The following NRXN1 variants were observed in gnomAD, a reference collection of about 807,000 sequenced individuals.
NRXN1 encodes the protein neurexin-1.
NRXN1 carries 39 observed loss-of-function variants against 150.9 expected under a neutral mutation model. The ratio of observed to expected loss-of-function variants is 0.26; its 90% CI spans 0.20 to 0.34. The LOEUF is 0.34. NRXN1 is among the 10% of genes least tolerant of loss of function. NRXN1 has a pLI of 1.00. For missense variants in NRXN1, 1,815 were observed against 1,949.9 expected (o/e 0.93, Z 1.30); for synonymous variants, 924 against 757.0 (o/e 1.22, Z -3.62).
At chr2:50,385,123 A>G (rs532607578) in intron 17 of NRXN1, among the ~76,000 whole-genome samples, 5 of 152,228 alleles carry the variant, frequency 3.3e-5, no homozygotes, top group African/African-American at 1.2e-4. Flanking sequence ...GTTTAATCCA[A>G]ACACCCCCAA....
At chr2:50,438,637 T>A (rs2085659196) in intron 17 of NRXN1, among the ~76,000 whole-genome samples, 1 of 152,236 alleles carries the variant, frequency 6.6e-6, no homozygotes, top group Admixed American at 6.5e-5. Context: ...TCCATGTTTT[T>A]TAATTTTTGA....
chr2:50,083,025 T>C (rs766119139), intron 19 of NRXN1, among the ~76,000 whole-genome samples: 7 of 152,200 alleles, frequency 4.6e-5, no homozygotes, highest in Non-Finnish European at 1.0e-4. Flanking sequence ...AAGGGCCTGT[T>C]TGGGTTTCAC....
intron 17 of NRXN1, among the ~76,000 whole-genome samples, chr2:50,393,836 G>C (rs2081893713): frequency 6.6e-6 from 1 of 151,952 alleles, no homozygotes; most frequent in South Asian, 2.1e-4. Context: ...AATTATGCGA[G>C]AAAAATCACA....
intron 17 of NRXN1, among the ~76,000 whole-genome samples, chr2:50,292,212 G>A (rs1251805774): frequency 2.0e-5 from 3 of 152,048 alleles, no homozygotes; most frequent in Non-Finnish European, 2.9e-5. Context: ...AATATTTTGT[G>A]ACATATGACA....
chr2:50,695,815 A>C (rs1003434898), intron 5 of NRXN1, among the ~76,000 whole-genome samples: 6 of 151,584 alleles, frequency 4.0e-5, no homozygotes, highest in Non-Finnish European at 8.8e-5. Flanking sequence ...AGGATTAGGG[A>C]AATAAGCCTA....
At chr2:50,047,653 G>C (rs2152610467) in intron 21 of NRXN1, among the ~76,000 whole-genome samples, 1 of 151,842 alleles carries the variant, frequency 6.6e-6, no homozygotes, top group South Asian at 2.1e-4. Context: ...CCATTCAAAA[G>C]AGATTTCCAT....
chr2:50,124,459 C>T (rs1417339326), intron 18 of NRXN1, among the ~76,000 whole-genome samples: 1 of 152,090 alleles, frequency 6.6e-6, no homozygotes, highest in African/African-American at 2.4e-5. Flanking sequence ...AGAAAGCCTA[C>T]TTTTTCCCAT....
chr2:50,292,007 G>T (rs559667182), intron 17 of NRXN1, among the ~76,000 whole-genome samples: 2 of 152,258 alleles, frequency 1.3e-5, no homozygotes, highest in East Asian at 3.9e-4. Context: ...TCTGGAAGCT[G>T]CCACAGCACT....
chr2:50,585,263 A>C (rs1259274720), intron 8 of NRXN1, among the ~76,000 whole-genome samples: 1 of 152,158 alleles, frequency 6.6e-6, no homozygotes, highest in East Asian at 1.9e-4. Flanking sequence ...AAGTAAAATA[A>C]GCCAGACACA....
intron 17 of NRXN1, among the ~76,000 whole-genome samples, chr2:50,358,985 A>G (rs1284425329): frequency 6.6e-6 from 1 of 152,242 alleles, no homozygotes; most frequent in Non-Finnish European, 1.5e-5. Context: ...GAACTGCAGA[A>G]GACTGTTAGA....
chr2:50,347,001 C>T lies in NRXN1; in HGVS notation c.3365-110031G>A. ...GCCGCGGGAGGCAAAGTTTGGGGCG[C>T]GGGGAGAGGAGAGGGCGCAGGGGAG... On this transcript the variant is annotated intron_variant, in intron 17 of 22. Transcript: ENST00000401669. The surrounding 1 kb of genome is among the most constrained non-coding windows in gnomAD (Gnocchi z 4.9). 2 of 1,364,762 alleles carry T rather than the reference C, an allele frequency of 1.5e-6. No individual in the cohort carries two copies. Among genetic ancestry groups the T allele is most frequent in the African/African-American group, 1.6e-5 (1 of 63,824 alleles). 84.5% of individuals were successfully genotyped at this position (1,364,762 alleles called of 1,614,324 possible).
At chr2:50,505,546 A>T (rs2092178112) in intron 13 of NRXN1, among the ~76,000 whole-genome samples, 1 of 152,196 alleles carries the variant, frequency 6.6e-6, no homozygotes, top group Admixed American at 6.5e-5. Flanking sequence ...GATCTAAGAA[A>T]CAATTCATTC....
chr2:50,805,178 A>G (rs1667348980), intron 5 of NRXN1, among the ~76,000 whole-genome samples: 1 of 152,156 alleles, frequency 6.6e-6, no homozygotes, highest in African/African-American at 2.4e-5. Context: ...TGTAAATAAA[A>G]TATGTCTTCT....
At chr2:50,899,285 A>G (rs199928297) in intron 5 of NRXN1, among the ~76,000 whole-genome samples, 1 of 152,156 alleles carries the variant, frequency 6.6e-6, no homozygotes, top group African/African-American at 2.4e-5. Flanking sequence ...CCAATTTCCA[A>G]TGCAGTACAA....
intron 18 of NRXN1, among the ~76,000 whole-genome samples, chr2:50,124,675 C>T (rs755666529): frequency 1.3e-5 from 2 of 152,074 alleles, no homozygotes; most frequent in Admixed American, 1.3e-4. Flanking sequence ...ATCAGACTTA[C>T]CTCCCTGCAA....
chr2:50,234,355 G>A (rs971712850), intron 18 of NRXN1, among the ~76,000 whole-genome samples: 1 of 152,004 alleles, frequency 6.6e-6, no homozygotes. Context: ...TTAGCTGGGC[G>A]TGGTGGTGGG....
chr2:49,989,885 A>G (rs997368001), intron 21 of NRXN1, among the ~76,000 whole-genome samples: 1 of 152,096 alleles, frequency 6.6e-6, no homozygotes, highest in Non-Finnish European at 1.5e-5. Context: ...ATGACATAGC[A>G]TTATTTTCAC....
At chr2:50,626,921 C>T (rs1289531701) in intron 5 of NRXN1, among the ~76,000 whole-genome samples, 1 of 151,734 alleles carries the variant, frequency 6.6e-6, no homozygotes, top group East Asian at 1.9e-4. Flanking sequence ...CAATGAAGAA[C>T]ACACACAAAA....
chr2:50,494,098 A>T (rs2091423047), intron 15 of NRXN1, among the ~76,000 whole-genome samples: 1 of 152,242 alleles, frequency 6.6e-6, no homozygotes, highest in Non-Finnish European at 1.5e-5. Flanking sequence ...ATGAAAAATA[A>T]GCAGATATTT....
Sources: gnomAD v4.1 joint callset for allele counts (sites outside exome capture counted in the v4.1 genomes callset) on GRCh38, gnomAD v4.1.1 for gene constraint, Gnocchi (gnomAD v3.1) non-coding constraint, MANE v1.5 for transcripts, NCBI Gene and HGNC (gene_info 2026-07-23, HGNC 2026-07-21) for gene names.